Variants in SLC39A11 observed in about 807,000 individuals in gnomAD.
The protein encoded by SLC39A11 is zinc transporter ZIP11.
In SLC39A11, 33 loss-of-function variants were observed where a neutral mutation model predicts 36.1. That is an observed-to-expected ratio of 0.91 (90% CI 0.69 to 1.22). The LOEUF (loss-of-function observed/expected upper bound fraction) is 1.22, where lower values mean the gene tolerates loss of function less well. SLC39A11 is among the 50% of genes most tolerant of loss of function. SLC39A11 has a pLI of 0.00. For synonymous variants in SLC39A11, 166 were observed against 170.3 expected, an observed-to-expected ratio of 0.97 and a Z score of 0.20; for missense variants, 432 against 430.3, an observed-to-expected ratio of 1.00 and a Z score of -0.03.
At chr17:73,043,193 A>C (rs1339959248) in intron 3 of SLC39A11, among the ~76,000 whole-genome samples, 1 of 152,216 alleles carries the variant, frequency 6.6e-6, no homozygotes, top group Non-Finnish European at 1.5e-5. Flanking sequence ...TGGAAAGGAA[A>C]TGAGGTTAGG....
chr17:72,924,769 C>T (rs1401564605), intron 5 of SLC39A11, among the ~76,000 whole-genome samples: 2 of 152,038 alleles, frequency 1.3e-5, no homozygotes, highest in African/African-American at 2.4e-5. Context: ...CTTGGGAGGC[C>T]AAGGCGGGTG....
intron 4 of SLC39A11, among the ~76,000 whole-genome samples, chr17:72,970,171 G>A (rs1427161580): frequency 6.6e-6 from 1 of 152,206 alleles, no homozygotes; most frequent in Non-Finnish European, 1.5e-5. Flanking sequence ...CAATAAGCAG[G>A]TCACGGTCAT....
chr17:72,922,830 T>C (rs2083752687), intron 5 of SLC39A11, among the ~76,000 whole-genome samples: 1 of 151,712 alleles, frequency 6.6e-6, no homozygotes, highest in Non-Finnish European at 1.5e-5. Flanking sequence ...TATCCAGGTG[T>C]GGTGGTGCAC....
chr17:72,651,332 C>A (rs1214780863), intron 7 of SLC39A11, among the ~76,000 whole-genome samples: 1 of 151,750 alleles, frequency 6.6e-6, no homozygotes, highest in African/African-American at 2.4e-5. Flanking sequence ...GCCCACCCCC[C>A]TCCCAGGAGC....
intron 7 of SLC39A11, among the ~76,000 whole-genome samples, chr17:72,664,486 G>A (rs1053809156): frequency 3.3e-5 from 5 of 152,164 alleles, no homozygotes; most frequent in Non-Finnish European, 7.4e-5. Flanking sequence ...GAAACCAGAG[G>A]CGGGGATCTA....
intron 5 of SLC39A11, among the ~76,000 whole-genome samples, chr17:72,907,937 A>T (rs1246727272): frequency 6.6e-6 from 1 of 151,722 alleles, no homozygotes; most frequent in Non-Finnish European, 1.5e-5. Context: ...GAAGGGGTAG[A>T]GTGTGTTGAG....
intron 4 of SLC39A11, among the ~76,000 whole-genome samples, chr17:72,979,853 C>T (rs879730827): frequency 7.9e-5 from 12 of 152,156 alleles, no homozygotes; most frequent in Non-Finnish European, 1.6e-4. Context: ...AGCATGCCCT[C>T]CTCCCATAAC....
At chr17:73,059,319 T>G (rs376592735) in intron 3 of SLC39A11, among the ~76,000 whole-genome samples, 10 of 152,210 alleles carry the variant, frequency 6.6e-5, no homozygotes, top group African/African-American at 2.4e-4. Flanking sequence ...ATGTTTTCAC[T>G]AGAAATTGAG....
At chr17:72,975,387 C>T (rs950885089) in intron 4 of SLC39A11, among the ~76,000 whole-genome samples, 5 of 152,004 alleles carry the variant, frequency 3.3e-5, no homozygotes, top group Admixed American at 1.3e-4. Context: ...TGCAGTGAGC[C>T]GAGATTGTGC....
At chr17:73,006,183 G>C (rs1458296926) in intron 4 of SLC39A11, among the ~76,000 whole-genome samples, 2 of 152,150 alleles carry the variant, frequency 1.3e-5, no homozygotes, top group African/African-American at 4.8e-5. Flanking sequence ...GAGATTAAAA[G>C]TGTATTTTCC....
Position 72,856,121 on chromosome 17 carries a change from T to C in SLC39A11, c.431-6317A>G, listed in dbSNP as rs148572440. Among the ~76,000 whole-genome samples the C allele has an allele frequency of 4.0e-3, 616 of 152,322 alleles. 3 individuals are homozygous for C. Among genetic ancestry groups the C allele is most frequent in the African/African-American group, 0.014 (583 of 41,574 alleles). ...GACAAAGTTCCCAGAAGTTGAACTG[T>C]TGATCAAAGGGCCATGATACAATTC... On this transcript the variant is annotated intron_variant, in intron 5 of 9. Transcript: ENST00000255559.
intron 5 of SLC39A11, among the ~76,000 whole-genome samples, chr17:72,882,271 G>A (rs188509706): frequency 3.0e-4 from 46 of 151,198 alleles, no homozygotes; most frequent in East Asian, 9.8e-4. Context: ...CAGGAGAATC[G>A]CTTGAACCCA....
At chr17:72,963,165 C>T (rs944521827) in intron 4 of SLC39A11, among the ~76,000 whole-genome samples, 11,188 of 88,976 alleles carry the variant, frequency 0.13, 721 homozygotes, top group African/African-American at 0.22. Flanking sequence ...TCTTTTTTTC[C>T]TTTCTTTTTT....
intron 6 of SLC39A11, among the ~76,000 whole-genome samples, chr17:72,771,967 C>T (rs1373596273): frequency 6.6e-6 from 1 of 152,148 alleles, no homozygotes; most frequent in Non-Finnish European, 1.5e-5. Context: ...CCTCCTTTTC[C>T]TGCAGAGGGT....
At position 72,921,653 on chromosome 17, in the gene SLC39A11, C is replaced by G. The variant is rs2083675711; in HGVS notation, c.430+26099G>C. ...AATAAAGATCCATAACTTTCACCAG[C>G]TTCTCAAAATAGCCCCTGATCGAAA... On this transcript the variant is annotated intron_variant, in intron 5 of 9. Coordinates refer to ENST00000255559, the MANE Select transcript of SLC39A11 (RefSeq NM_139177.4). 2.0e-5 allele frequency among the ~76,000 whole-genome samples: 3 copies of G among 152,322 alleles called. 1 individual carries two copies. The highest frequency in any genetic ancestry group is 4.1e-4 in the South Asian group (2 of 4,824).
At chr17:72,853,501 C>T (rs1323339732) in intron 5 of SLC39A11, among the ~76,000 whole-genome samples, 1 of 152,024 alleles carries the variant, frequency 6.6e-6, no homozygotes, top group African/African-American at 2.4e-5. Flanking sequence ...CAGAGAGCAA[C>T]AGACCTCGGA....
chr17:72,834,393 G>A lies in SLC39A11; in HGVS notation c.601+15241C>T, dbSNP rs1021826795. On this transcript the variant is annotated intron_variant, in intron 6 of 9. Transcript: ENST00000255559. ...TCCCAGCACTTTGGGAAGCTGAGGCGGGTGGATCACCTGAGGTCATGAGTT... is the reference window on the plus strand; with the variant it reads ...TCCCAGCACTTTGGGAAGCTGAGGCAGGTGGATCACCTGAGGTCATGAGTT... 4.6e-5 allele frequency among the ~76,000 whole-genome samples: 7 copies of A among 152,286 alleles called. No individual in the cohort carries two copies. In the South Asian group the frequency reaches 6.2e-4, roughly 14 times the overall value.
At chr17:72,751,721 C>T (rs886701436) in intron 6 of SLC39A11, among the ~76,000 whole-genome samples, 1 of 152,056 alleles carries the variant, frequency 6.6e-6, no homozygotes, top group African/African-American at 2.4e-5. Context: ...GGGAGTACAG[C>T]CATGCATCAC....
chr17:72,761,058 C>T (rs1446786463), intron 6 of SLC39A11, among the ~76,000 whole-genome samples: 1 of 152,190 alleles, frequency 6.6e-6, no homozygotes, highest in Non-Finnish European at 1.5e-5. Context: ...GTGCACGCCC[C>T]AGCTAAATTT....
Sources: allele counts gnomAD v4.1 joint callset (sites outside exome capture counted in the v4.1 genomes callset), GRCh38; gene constraint gnomAD v4.1.1; transcripts MANE v1.5; gene names NCBI Gene and HGNC (gene_info 2026-07-23, HGNC 2026-07-21).